Variants in SYNE2 observed in about 807,000 individuals in gnomAD.
SYNE2 encodes the protein nesprin-2.
A neutral mutation model predicts 856.3 loss-of-function variants in SYNE2; 431 were observed. The observed-to-expected ratio is 0.50, with a 90% CI of 0.47 to 0.55. The LOEUF (loss-of-function observed/expected upper bound fraction) is 0.55, where lower values mean the gene tolerates loss of function less well. Among genes scored for constraint, SYNE2 ranks in the 20% least tolerant of loss-of-function variants. SYNE2 has a pLI of 0.00. For missense variants in SYNE2, 8,129 were observed against 8,023.2 expected (o/e 1.01, Z -0.50); for synonymous variants, 2,923 against 2,872.3 (o/e 1.02, Z -0.56).
chr14:63,946,123 T>G (rs879371968), intron 6 of SYNE2, among the ~76,000 whole-genome samples: 3 of 152,184 alleles, frequency 2.0e-5, no homozygotes, highest in African/African-American at 7.2e-5. Context: ...ATTTATAGAC[T>G]TTTAAAATAT....
chr14:63,998,136 C>A, intron 25 of SYNE2, 83 bp from the exon 26 acceptor site: 4 of 986,048 alleles, frequency 4.1e-6, no homozygotes, highest in Non-Finnish European at 6.5e-6. Context: ...ATCAATGATA[C>A]ATTTTTGAAC....
chr14:64,018,179 G>C (rs369290218), intron 34 of SYNE2, among the ~76,000 whole-genome samples: 13 of 152,124 alleles, frequency 8.5e-5, no homozygotes, highest in African/African-American at 3.1e-4. Context: ...TAGCAAAAGC[G>C]CCAACAAAAT....
In SYNE2 at chr14:64,215,179, A is replaced by C. The variant is rs1596278746; in HGVS notation, c.19334-107A>C. The C allele has an allele frequency of 6.7e-6, 7 of 1,040,774 alleles. No individual in the cohort carries two copies. In the East Asian group the frequency reaches 1.7e-4, roughly 25 times the overall value. The allele number at this position is 1,040,774 out of a possible 1,614,324, so 64.5% of individuals were successfully genotyped here. ...CAAAATCCTTTTAATTAAAAAAATA[A>C]AGGGTAGTTTTCTCCTTCCAGCTGA... is the stretch of plus-strand genomic sequence containing the variant. On this transcript the variant is annotated intron_variant, in intron 106 of 115. Coordinates refer to ENST00000555002, the MANE Select transcript of SYNE2 (RefSeq NM_182914.3).
chr14:64,153,006 CCAACAGAGTAT>C, intron 85 of SYNE2, among the ~76,000 whole-genome samples: 1 of 152,314 alleles, frequency 6.6e-6, no homozygotes, highest in East Asian at 1.9e-4. Flanking sequence ...TACCCCAAAC[CCAACAGAGTAT>C]CTGGCATTGT....
In SYNE2 at chr14:64,126,412, TGGA is replaced by T. The variant is rs773802440; in HGVS notation, c.13645_13647del (p.Glu4549del). 8 of 1,614,146 alleles carry T rather than the reference TGGA, an allele frequency of 5.0e-6. No homozygotes were observed. The South Asian group carries it at 8.8e-5, about 18-fold the overall frequency. On this transcript the variant is annotated inframe_deletion, in exon 72 of 116. Transcript: ENST00000555002. ...ACCCTCAGTCAGTGCCTCAGCAGTG[TGGA>T]GGAGATGCTGGAGATGCCCAGACTT...
intron 90 of SYNE2, 91 bp from the exon 91 acceptor site, chr14:64,167,141 GT>G (rs1474498803): frequency 6.4e-7 from 1 of 1,557,202 alleles, no homozygotes; most frequent in Non-Finnish European, 8.8e-7. Context: ...TCAGGCCCCA[GT>G]TTTCCTTTAT....
chr14:63,865,576 G>T (rs1894970743), intron 1 of SYNE2, among the ~76,000 whole-genome samples: 1 of 151,662 alleles, frequency 6.6e-6, no homozygotes, highest in Non-Finnish European at 1.5e-5. Context: ...TAGAGATGGG[G>T]TTTCACCATG....
intron 115 of SYNE2, 43 bp downstream of exon 115, chr14:64,225,088 A>G: frequency 6.2e-7 from 1 of 1,604,950 alleles, no homozygotes; most frequent in Non-Finnish European, 8.5e-7. Flanking sequence ...CCCCTGCTCC[A>G]CACTCCCACT....
At chr14:64,224,391 G>A in intron 113 of SYNE2, 70 bp from the exon 114 acceptor site, 1 of 1,202,978 alleles carries the variant, frequency 8.3e-7, no homozygotes, top group Non-Finnish European at 1.2e-6. Context: ...GGTAGGGGAG[G>A]GTGAGCTATA....
chr14:63,772,172 G>A (rs997160361), intron 1 of SYNE2, among the ~76,000 whole-genome samples: 7 of 152,138 alleles, frequency 4.6e-5, no homozygotes, highest in African/African-American at 7.2e-5. Flanking sequence ...TGGGCAGCAT[G>A]GTGAAACCCT....
At chr14:63,772,323 C>T (rs1331693384) in intron 1 of SYNE2, among the ~76,000 whole-genome samples, 1 of 151,944 alleles carries the variant, frequency 6.6e-6, no homozygotes, top group Non-Finnish European at 1.5e-5. Context: ...CACTGTACTC[C>T]AGCCTGGGCG....
chr14:64,205,898 G>T (rs1323661746), intron 100 of SYNE2, among the ~76,000 whole-genome samples: 1 of 152,126 alleles, frequency 6.6e-6, no homozygotes, highest in Admixed American at 6.5e-5. Flanking sequence ...CTAATTAATA[G>T]CCCCTGCCGT....
At chr14:63,948,722 G>GTATA (rs74219864) in intron 6 of SYNE2, among the ~76,000 whole-genome samples, 6,775 of 98,804 alleles carry the variant, frequency 0.069, 836 homozygotes, top group African/African-American at 0.14. Context: ...ATATATGTGT[G>GTATA]TATATATATG....
In SYNE2 at chr14:64,134,094, A is replaced by C. The variant is rs760549330; in HGVS notation, c.14540A>C (p.Tyr4847Ser). Residue 4847 changes from tyrosine (Y) to serine (S), a missense_variant, in exon 78 of 116, where the codon TAT becomes TCT. Transcript: ENST00000555002. The stretch of plus-strand genomic sequence containing the variant: ...AAATGGGAAGAATTTGATGAAAACT[A>C]TGCATCTCTTGAAAAGGACCTGGAA... ...LQKWEEFDEN[Y>S]ASLEKDLEIL... 6.2e-7 allele frequency: 1 copy of C among 1,614,130 alleles called. No homozygotes were observed. The highest frequency in any genetic ancestry group is 8.5e-7 in the Non-Finnish European group (1 of 1,179,990).
At position 63,967,774 on chromosome 14, in the gene SYNE2, A is replaced by G. The variant is rs1445621166; in HGVS notation, c.1056A>G (p.Ile352Met). 4 of 1,613,996 alleles carry G rather than the reference A, an allele frequency of 2.5e-6. No homozygotes were observed. Among genetic ancestry groups the G allele is most frequent in the Admixed American group, 1.7e-5 (1 of 60,010 alleles). Residue 352 changes from isoleucine (I) to methionine (M), a missense_variant, in exon 11 of 116, where the codon ATA becomes ATG. Ile to Met is a conservative substitution (Grantham distance 10). Coordinates refer to ENST00000555002, the MANE Select transcript of SYNE2 (RefSeq NM_182914.3). Reference sequence around the variant, plus strand: ...AGTCCTTTTTGGATGTCCTGTCAATAAAACGGGATCTGGATGAGCTGGACA... The same window carrying G: ...AGTCCTTTTTGGATGTCCTGTCAATGAAACGGGATCTGGATGAGCTGGACA... ...EKKSFLDVLS[I>M]KRDLDELDKD... is the part of the protein sequence containing the mutation.
At chr14:63,946,912 C>T (rs535265508) in intron 6 of SYNE2, among the ~76,000 whole-genome samples, 2 of 151,980 alleles carry the variant, frequency 1.3e-5, no homozygotes, top group African/African-American at 2.4e-5. Flanking sequence ...TGCAGTGGCA[C>T]AATCTTGACT....
chr14:63,971,089 A>C (rs2096469439), intron 11 of SYNE2, among the ~76,000 whole-genome samples: 1 of 150,900 alleles, frequency 6.6e-6, no homozygotes, highest in African/African-American at 2.4e-5. Flanking sequence ...ATACATTATA[A>C]AATTTTTACA....
At position 64,225,339 on chromosome 14, in the gene SYNE2, C is replaced by T. The variant is rs1323584158; in HGVS notation, c.20537C>T (p.Pro6846Leu). Reference sequence around the variant, plus strand: ...GGCAGGGTCCCCGGCAGCACACGGCCACAGCGCTCCTTCCTCTCAAGGGTG... The same window carrying T: ...GGCAGGGTCCCCGGCAGCACACGGCTACAGCGCTCCTTCCTCTCAAGGGTG... ...TESRVPGSTR[P>L]QRSFLSRVVR... Residue 6846 changes from proline (P) to leucine (L), a missense_variant, in exon 116 of 116, where the codon CCA (proline) becomes CTA (leucine). By Grantham distance (98) the Pro-to-Leu change is moderately conservative. Around this residue, in one of 3 missense-constraint regions of SYNE2, gnomAD observed 5,410 missense variants for 5,284.8 expected, o/e 1.02. Coordinates refer to ENST00000555002, the MANE Select transcript of SYNE2 (RefSeq NM_182914.3). 6.2e-7 allele frequency: 1 copy of T among 1,614,018 alleles called. No individual in the cohort carries two copies. Among genetic ancestry groups the T allele is most frequent in the African/African-American group, 1.3e-5 (1 of 74,922 alleles).
intron 99 of SYNE2, chr14:64,190,738 G>A (rs1323036238): frequency 9.1e-6 from 6 of 661,912 alleles, no homozygotes; most frequent in Non-Finnish European, 1.6e-5. Flanking sequence ...TCTCCCATGG[G>A]TGTCTTGTCC....
Sources: allele counts gnomAD v4.1 joint callset (sites outside exome capture counted in the v4.1 genomes callset), GRCh38; gene constraint gnomAD v4.1.1; regional missense constraint gnomAD v4.1.1; transcripts MANE v1.5; gene names NCBI Gene and HGNC (gene_info 2026-07-23, HGNC 2026-07-21).